The following SNX13 variants were observed in gnomAD, a reference collection of about 807,000 sequenced individuals.
SNX13 encodes the protein sorting nexin 13, also known as sorting nexin-13.
A neutral mutation model predicts 133.6 loss-of-function variants in SNX13; 45 were observed. The observed-to-expected ratio is 0.34, with a 90% CI of 0.27 to 0.43. The LOEUF (loss-of-function observed/expected upper bound fraction) is 0.43, where lower values mean the gene tolerates loss of function less well. SNX13 is among the 20% of genes least tolerant of loss of function. The pLI is 1.00. For synonymous variants in SNX13, 414 were observed against 373.9 expected (o/e 1.11, Z -1.24); for missense variants, 1,032 against 1,145.1 (o/e 0.90, Z 1.43).
At chr7:17,914,156 G>A (rs7800370) in intron 1 of SNX13, among the ~76,000 whole-genome samples, 18 of 150,340 alleles carry the variant, frequency 1.2e-4, no homozygotes, top group African/African-American at 4.2e-4. Context: ...GGCCGATCCT[G>A]CAAATCCACC....
chr7:17,897,339 C>A lies in SNX13; in HGVS notation c.120G>T (p.Val40=). 6.5e-7 allele frequency: 1 copy of A among 1,533,596 alleles called. No homozygotes were observed. Among genetic ancestry groups the A allele is most frequent in the Non-Finnish European group, 8.8e-7 (1 of 1,134,270 alleles). 95.0% of individuals were successfully genotyped at this position (1,533,596 alleles called of 1,614,324 possible). ...TTATAATTGAGTATACTTACCCACCCACAAAGCAGAGGATATAAAATGTCA... is the reference window on the plus strand; with the variant it reads ...TTATAATTGAGTATACTTACCCACCAACAAAGCAGAGGATATAAAATGTCA... ...FYLTFYILCF[V]GGGLVVTLLF... Residue 40 remains valine, a synonymous_variant, in exon 2 of 26, where the codon GTG becomes GTT. Coordinates refer to ENST00000428135, the MANE Select transcript of SNX13 (RefSeq NM_015132.5).
intron 1 of SNX13, among the ~76,000 whole-genome samples, chr7:17,920,619 T>C (rs1800023572): frequency 6.6e-6 from 1 of 152,214 alleles, no homozygotes; most frequent in African/African-American, 2.4e-5. Flanking sequence ...TTAACCCATT[T>C]ATTCTTACAA....
At chr7:17,885,142 G>C (rs1795837041) in intron 5 of SNX13, among the ~76,000 whole-genome samples, 1 of 152,000 alleles carries the variant, frequency 6.6e-6, no homozygotes, top group Non-Finnish European at 1.5e-5. Flanking sequence ...GTGTTCAACG[G>C]AATATTATTC....
chr7:17,934,850 T>C (rs1410606915), intron 1 of SNX13, among the ~76,000 whole-genome samples: 2 of 152,168 alleles, frequency 1.3e-5, no homozygotes, highest in African/African-American at 4.8e-5. Context: ...TCACACCTGT[T>C]AGAATGGCTA....
intron 13 of SNX13, among the ~76,000 whole-genome samples, chr7:17,835,414 C>A (rs1789023680): frequency 6.6e-6 from 1 of 151,622 alleles, no homozygotes; most frequent in Admixed American, 6.6e-5. Flanking sequence ...AATGCTGCAG[C>A]AAAGTTCCAG....
chr7:17,916,422 GC>G (rs1202296414), intron 1 of SNX13, among the ~76,000 whole-genome samples: 4 of 152,066 alleles, frequency 2.6e-5, no homozygotes, highest in African/African-American at 9.7e-5. Context: ...AGCTAGCTAA[GC>G]AAAGAAAAAG....
chr7:17,820,244 A>G (rs1787139396), intron 18 of SNX13, among the ~76,000 whole-genome samples: 1 of 152,150 alleles, frequency 6.6e-6, no homozygotes, highest in Non-Finnish European at 1.5e-5. Context: ...AAGTAAATTC[A>G]TTTGCAAATA....
chr7:17,832,554 T>A (rs892568030), intron 15 of SNX13: 8 of 892,490 alleles, frequency 9.0e-6, no homozygotes, highest in Non-Finnish European at 1.1e-5. Flanking sequence ...TAATAGTCAT[T>A]TTAGGATGGT....
intron 8 of SNX13, among the ~76,000 whole-genome samples, chr7:17,869,157 G>A (rs1174432882): frequency 6.6e-6 from 1 of 151,982 alleles, no homozygotes; most frequent in Non-Finnish European, 1.5e-5. Context: ...ACAGAAATAT[G>A]CTTGAAATAC....
chr7:17,930,019 C>A (rs1801211096), intron 1 of SNX13, among the ~76,000 whole-genome samples: 1 of 151,988 alleles, frequency 6.6e-6, no homozygotes, highest in Admixed American at 6.6e-5. Flanking sequence ...ATATTAAATT[C>A]TAAGTTTTGA....
intron 20 of SNX13, among the ~76,000 whole-genome samples, chr7:17,809,804 G>C (rs913057875): frequency 6.6e-6 from 1 of 152,096 alleles, no homozygotes; most frequent in African/African-American, 2.4e-5. Context: ...TTAGAACTCA[G>C]GATTAAGAAA....
intron 5 of SNX13, among the ~76,000 whole-genome samples, chr7:17,884,313 T>C (rs1355923605): frequency 6.6e-6 from 1 of 152,154 alleles, no homozygotes; most frequent in Non-Finnish European, 1.5e-5. Context: ...AGAAGAAAAT[T>C]ACATTTTACA....
At chr7:17,801,024 A>ATATATATATG (rs1554302619) in intron 22 of SNX13, among the ~76,000 whole-genome samples, 12 of 16,282 alleles carry the variant, frequency 7.4e-4, no homozygotes, top group African/African-American at 1.8e-3. Context: ...ATATATATAT[A>ATATATATATG]TATATATATA....
intron 9 of SNX13, among the ~76,000 whole-genome samples, chr7:17,859,893 C>T (rs533968005): frequency 1.3e-5 from 2 of 152,244 alleles, no homozygotes; most frequent in Non-Finnish European, 2.9e-5. Context: ...TCTCTTTATG[C>T]ATTCATCTGT....
At chr7:17,796,491 G>A (rs1281229638) in intron 25 of SNX13, 6 of 187,700 alleles carry the variant, frequency 3.2e-5, no homozygotes, top group Non-Finnish European at 1.1e-5. Flanking sequence ...GCAGCAGAGC[G>A]AAGTGGCTAA....
At chr7:17,909,851 C>A (rs1798782300) in intron 1 of SNX13, among the ~76,000 whole-genome samples, 1 of 152,226 alleles carries the variant, frequency 6.6e-6, no homozygotes, top group African/African-American at 2.4e-5. Context: ...GCACATCCTG[C>A]ACATGTACCC....
intron 12 of SNX13, among the ~76,000 whole-genome samples, chr7:17,841,375 C>A (rs535511216): frequency 6.6e-6 from 1 of 152,140 alleles, no homozygotes; most frequent in East Asian, 1.9e-4. Flanking sequence ...GGGAAAAGCA[C>A]AAGTTCAGAA....
chr7:17,859,697 C>A (rs1002248400), intron 9 of SNX13, among the ~76,000 whole-genome samples: 1 of 152,096 alleles, frequency 6.6e-6, no homozygotes, highest in Non-Finnish European at 1.5e-5. Context: ...CCTCCCAGAT[C>A]CCAGCAACCA....
At chr7:17,842,800 G>T (rs930791766) in intron 12 of SNX13, among the ~76,000 whole-genome samples, 3 of 151,978 alleles carry the variant, frequency 2.0e-5, no homozygotes, top group Admixed American at 6.6e-5. Flanking sequence ...TCAAAAGAGG[G>T]ATGGTGACAG....
Sources: gnomAD v4.1 joint callset for allele counts (sites outside exome capture counted in the v4.1 genomes callset) on GRCh38, gnomAD v4.1.1 for gene constraint, MANE v1.5 for transcripts, NCBI Gene and HGNC (gene_info 2026-07-23, HGNC 2026-07-21) for gene names.